Variants in NYAP2 observed in about 807,000 individuals in gnomAD.
The protein encoded by NYAP2 is neuronal tyrosine-phosphorylated phosphoinositide-3-kinase adapter 2.
A neutral mutation model predicts 50.4 loss-of-function variants in NYAP2; 23 were observed. The observed-to-expected ratio is 0.46, with a 90% CI of 0.33 to 0.65. NYAP2 has a LOEUF of 0.65. NYAP2 is among the 30% of genes least tolerant of loss of function. The pLI, the probability that NYAP2 is intolerant of heterozygous loss-of-function variation, is 0.02. For missense variants in NYAP2, 885 were observed against 861.0 expected (o/e 1.03, Z -0.35); for synonymous variants, 394 against 365.2 (o/e 1.08, Z -0.90).
At chr2:225,510,078 A>C (rs1690784319) in intron 3 of NYAP2, among the ~76,000 whole-genome samples, 1 of 152,174 alleles carries the variant, frequency 6.6e-6, no homozygotes, top group Non-Finnish European at 1.5e-5. Context: ...AAAAAGTCCC[A>C]ATGGGGCTAC....
intron 4 of NYAP2, among the ~76,000 whole-genome samples, chr2:225,572,688 A>G (rs1036197807): frequency 6.6e-6 from 1 of 152,242 alleles, no homozygotes; most frequent in South Asian, 2.1e-4. Context: ...AATATAAATT[A>G]TTAAAAGCTT....
At chr2:225,594,488 A>C (rs555081727) in intron 5 of NYAP2, among the ~76,000 whole-genome samples, 2 of 152,208 alleles carry the variant, frequency 1.3e-5, no homozygotes, top group African/African-American at 2.4e-5. Context: ...GTGCCACTGC[A>C]CTCCAGCCTG....
intron 3 of NYAP2, among the ~76,000 whole-genome samples, chr2:225,416,381 G>A (rs1449344857): frequency 6.6e-6 from 1 of 152,008 alleles, no homozygotes; most frequent in Non-Finnish European, 1.5e-5. Flanking sequence ...CTTATGCTAG[G>A]TGCTCTATAT....
intron 3 of NYAP2, among the ~76,000 whole-genome samples, chr2:225,488,593 C>G (rs766315562): frequency 2.6e-5 from 4 of 152,146 alleles, no homozygotes; most frequent in Non-Finnish European, 2.9e-5. Flanking sequence ...AGGCTGGTCT[C>G]GAGCTCTCAG....
At chr2:225,538,397 T>C (rs1316489377) in intron 4 of NYAP2, among the ~76,000 whole-genome samples, 2 of 152,208 alleles carry the variant, frequency 1.3e-5, no homozygotes, top group Non-Finnish European at 2.9e-5. Flanking sequence ...AAACCCCAAT[T>C]CTTGACTTCT....
chr2:225,492,474 T>C (rs1690426667), intron 3 of NYAP2, among the ~76,000 whole-genome samples: 1 of 152,188 alleles, frequency 6.6e-6, no homozygotes, highest in African/African-American at 2.4e-5. Flanking sequence ...GTAATAAACT[T>C]GTCACATAAG....
At chr2:225,607,737 T>G (rs76998971) in intron 5 of NYAP2, among the ~76,000 whole-genome samples, 1 of 152,182 alleles carries the variant, frequency 6.6e-6, no homozygotes, top group East Asian at 1.9e-4. Flanking sequence ...TTAGAGGGAA[T>G]AAAATGAACT....
intron 5 of NYAP2, among the ~76,000 whole-genome samples, chr2:225,598,942 G>A (rs1187532315): frequency 6.6e-6 from 1 of 152,186 alleles, no homozygotes; most frequent in Non-Finnish European, 1.5e-5. Context: ...AATCAATGGA[G>A]GGCTTCAAGA....
chr2:225,650,235 C>T (rs1424300344), intron 6 of NYAP2, among the ~76,000 whole-genome samples: 1 of 152,144 alleles, frequency 6.6e-6, no homozygotes, highest in Non-Finnish European at 1.5e-5. Context: ...TCATGCAATG[C>T]AGATATAGTC....
chr2:225,431,998 C>A (rs550235995), intron 3 of NYAP2, among the ~76,000 whole-genome samples: 26 of 152,116 alleles, frequency 1.7e-4, no homozygotes, highest in African/African-American at 6.3e-4. Context: ...GAGATGGAGT[C>A]TCGCTCTGTC....
At chr2:225,567,073 C>T (rs1441999900) in intron 4 of NYAP2, among the ~76,000 whole-genome samples, 1 of 152,138 alleles carries the variant, frequency 6.6e-6, no homozygotes, top group Non-Finnish European at 1.5e-5. Context: ...GCTTTGTACA[C>T]ACCTAGGCCA....
At chr2:225,557,347 C>A (rs150850242) in intron 4 of NYAP2, among the ~76,000 whole-genome samples, 4 of 152,172 alleles carry the variant, frequency 2.6e-5, no homozygotes, top group Middle Eastern at 3.4e-3. Context: ...TAGTTTACAC[C>A]ATGAAGATAT....
chr2:225,638,149 CGTGTGTTT>C lies in NYAP2; in HGVS notation c.1828+11030_1828+11037del, dbSNP rs1482731840. On this transcript the variant is annotated intron_variant, in intron 6 of 6. Coordinates refer to ENST00000636099, the Ensembl canonical transcript of NYAP2. ...TATTAGAGAGAATTTTAAACAGACT[CGTGTGTTT>C]GTGTGTGTGTGTGTGTGTGTGTGTG... Among the ~76,000 whole-genome samples, 94 of 102,898 alleles carry C rather than the reference CGTGTGTTT, an allele frequency of 9.1e-4. 2 individuals are homozygous for C. The highest frequency in any genetic ancestry group is 3.3e-3 in the African/African-American group (89 of 27,374). 67.5% of individuals were successfully genotyped at this position (102,898 alleles called of 152,430 possible). A position where few individuals can be genotyped will look rare whatever the true frequency, so the allele number is the denominator to read the frequency against.
At chr2:225,473,134 G>C (rs1690039720) in intron 3 of NYAP2, among the ~76,000 whole-genome samples, 1 of 152,324 alleles carries the variant, frequency 6.6e-6, no homozygotes, top group East Asian at 1.9e-4. Flanking sequence ...CAAAGGACAT[G>C]AACTCATCGT....
the NYAP2 span, among the ~76,000 whole-genome samples, chr2:225,673,059 A>C: frequency 6.6e-6 from 1 of 151,656 alleles, no homozygotes; most frequent in African/African-American, 2.4e-5. Context: ...CGCATGGCTG[A>C]GGAGGCCTCA....
chr2:225,419,172 C>A (rs1261710608), intron 3 of NYAP2, among the ~76,000 whole-genome samples: 2 of 152,132 alleles, frequency 1.3e-5, no homozygotes, highest in Non-Finnish European at 2.9e-5. Flanking sequence ...CAGTTTAGGG[C>A]AGAGATGACA....
chr2:225,470,951 G>T (rs577506547), intron 3 of NYAP2, among the ~76,000 whole-genome samples: 1 of 152,154 alleles, frequency 6.6e-6, no homozygotes, highest in East Asian at 1.9e-4. Context: ...ACTGAGGCAG[G>T]GGGTTTCTTG....
chr2:225,520,716 A>G (rs1691037689), intron 4 of NYAP2, among the ~76,000 whole-genome samples: 1 of 152,168 alleles, frequency 6.6e-6, no homozygotes, highest in South Asian at 2.1e-4. Flanking sequence ...TGATGCCTCC[A>G]GCTTTGTTCT....
At chr2:225,699,433 AG>A in the NYAP2 span, 1 of 151,948 alleles carries the variant, frequency 6.6e-6, no homozygotes, top group South Asian at 2.1e-4. Context: ...CTTTCAAGAA[AG>A]TGGGACCAGT....
Sources: allele counts gnomAD v4.1 joint callset (sites outside exome capture counted in the v4.1 genomes callset), GRCh38; gene constraint gnomAD v4.1.1; transcripts MANE v1.5; gene names NCBI Gene and HGNC (gene_info 2026-07-23, HGNC 2026-07-21).